The following LCTL variants were observed in gnomAD, a reference collection of about 807,000 sequenced individuals.
The protein encoded by LCTL is lactase like, also known as lactase-like protein.
A neutral mutation model predicts 75.8 loss-of-function variants in LCTL; 76 were observed. That is an observed-to-expected ratio of 1.00 (90% CI 0.83 to 1.21). The LOEUF (loss-of-function observed/expected upper bound fraction) is 1.21. Ranked by LOEUF, LCTL falls within the 50% of genes most tolerant of loss-of-function variation. The pLI is 0.00. For missense variants in LCTL, 670 were observed against 712.4 expected (o/e 0.94, Z 0.68); for synonymous variants, 271 against 268.8 (o/e 1.01, Z -0.08).
intron 8 of LCTL, 38 bp downstream of exon 9, chr15:66,557,684 G>A: frequency 6.3e-7 from 1 of 1,597,326 alleles, no homozygotes; most frequent in East Asian, 2.2e-5. Flanking sequence ...TCAATAACTT[G>A]CCCTAGTATC....
At chr15:66,563,653 C>T in intron 3 of LCTL, 28 bp from the exon 5 acceptor site, 1 of 1,511,346 alleles carries the variant, frequency 6.6e-7, no homozygotes, top group African/African-American at 1.4e-5. Flanking sequence ...GAAGATGCTA[C>T]CAGAAAGGAC....
At chr15:66,565,427 G>C (rs1896003840) in exon 1 of LCTL, 3 of 1,098,182 alleles carry the variant, frequency 2.7e-6, no homozygotes, top group Non-Finnish European at 4.0e-6. Context: ...CCTGCAGCCA[G>C]GCTGATGGCC....
rs79639762 is a variant in LCTL at position 66,560,556 on chromosome 15, C to T, written c.705+450G>A. The stretch of plus-strand genomic sequence containing the variant: ...AAGGTGGAGTCTGCCTGCTCATTAT[C>T]GCTGCTTCCAAACTAGTTTTCCTTC... On this transcript the variant is annotated intron_variant, in intron 6 of 12. Transcript: ENST00000341509. 5.1e-4 allele frequency among the ~76,000 whole-genome samples: 78 copies of T among 152,272 alleles called. No homozygotes were observed. The East Asian group carries it at 0.012, about 23-fold the overall frequency.
Position 66,557,803 on chromosome 15 carries a change from T to A in LCTL, c.841A>T (p.Arg281Ter). 6.2e-7 allele frequency: 1 copy of A among 1,614,166 alleles called. No individual in the cohort carries two copies. Among genetic ancestry groups the A allele is most frequent in the East Asian group, 2.2e-5 (1 of 44,882 alleles). ...CAGCCCAGACAGAACTGTAGGTATC[T>A]CTCGGCAGCCTCTAGGTCCTTGGGG... The change falls in exon 8 of 13, where the codon AGA becomes TGA. Residue 281 changes from arginine to a stop codon, truncating the protein, a stop_gained. Transcript: ENST00000341509. LOFTEE classifies it high-confidence loss of function.
intron 6 of LCTL, among the ~76,000 whole-genome samples, chr15:66,558,884 T>G (rs1567060887): frequency 6.6e-6 from 1 of 151,500 alleles, no homozygotes; most frequent in African/African-American, 2.4e-5. Flanking sequence ...TTAGTAGAGA[T>G]AGGGTTTCTC....
intron 12 of LCTL, chr15:66,549,327 C>T (rs1895505552): frequency 1.3e-5 from 2 of 152,078 alleles, no homozygotes; most frequent in Admixed American, 1.3e-4. Flanking sequence ...AGGGGGATTG[C>T]ATGTTGCTTT....
At chr15:66,552,004 A>G (rs955474214) in intron 10 of LCTL, 39 bp downstream of exon 11, 3 of 1,593,558 alleles carry the variant, frequency 1.9e-6, no homozygotes, top group African/African-American at 1.3e-5. Flanking sequence ...TGTCTCAGTT[A>G]AACGGGAAAA....
chr15:66,564,766 G>A, exon 2 of LCTL: 1 of 1,613,634 alleles, frequency 6.2e-7, no homozygotes, highest in Non-Finnish European at 8.5e-7. Context: ...CGTCCCAGAT[G>A]CTAGGCCCTT....
chr15:66,552,667 C>CAAA (rs752480803), intron 9 of LCTL, among the ~76,000 whole-genome samples: 3,509 of 52,906 alleles, frequency 0.066, 302 homozygotes, highest in African/African-American at 0.18. Flanking sequence ...GAGACTGTCT[C>CAAA]AAAAAAAAAA....
chr15:66,548,299 G>GTTT, exon 13 of LCTL: 1 of 350,464 alleles, frequency 2.9e-6, no homozygotes, highest in South Asian at 7.6e-5. Flanking sequence ...GATTACAAGT[G>GTTT]TTTTTTTTTT....
chr15:66,559,035 T>G (rs1443300124), intron 6 of LCTL, among the ~76,000 whole-genome samples: 7 of 148,396 alleles, frequency 4.7e-5, no homozygotes, highest in Non-Finnish European at 9.0e-5. Context: ...TTGTTTTTTG[T>G]TTTTTTTTTC....
intron 6 of LCTL, 64 bp downstream of exon 7, chr15:66,560,942 A>G (rs1040694715): frequency 2.0e-6 from 3 of 1,475,000 alleles, no homozygotes; most frequent in Non-Finnish European, 2.8e-6. Flanking sequence ...AGCTCAGGCT[A>G]GAGCCCCTGG....
rs761489456 is a variant in LCTL, at chr15:66,563,609, C to G, written c.387G>C (p.Lys129Asn). ...GATCACTGTAGAATTCGATTCCCTT[C>G]TTGTTCACCTGCTCGGCTGCAGGTG... Residue 129 changes from lysine (K) to asparagine (N), a missense_variant, in exon 4 of 13, where the codon AAG becomes AAC. Lys to Asn is a moderately conservative substitution (Grantham distance 94, BLOSUM62 0). Transcript: ENST00000341509. 3.1e-6 allele frequency: 5 copies of G among 1,609,302 alleles called. No individual in the cohort carries two copies. In the South Asian group the frequency reaches 5.5e-5, roughly 18 times the overall value.
chr15:66,553,890 TCA>T (rs1304008374), intron 8 of LCTL, among the ~76,000 whole-genome samples: 1 of 152,012 alleles, frequency 6.6e-6, no homozygotes, highest in African/African-American at 2.4e-5. Flanking sequence ...GTGCAATGGC[TCA>T]CGCCTGTAAT....
exon 13 of LCTL, chr15:66,548,336 A>G (rs1595928494): frequency 2.3e-6 from 1 of 427,590 alleles, no homozygotes; most frequent in Non-Finnish European, 4.2e-6. Flanking sequence ...TTATTTTCTA[A>G]TTCTTAAATC....
At chr15:66,564,325 G>T in intron 2 of LCTL, 1 of 479,844 alleles carries the variant, frequency 2.1e-6, no homozygotes, top group Non-Finnish European at 3.7e-6. Flanking sequence ...TCCCTCCACA[G>T]GGTGCAACTG....
At chr15:66,561,128 G>C (rs200830852) in intron 5 of LCTL, 27 bp from the exon 7 acceptor site, 14 of 1,614,032 alleles carry the variant, frequency 8.7e-6, no homozygotes, top group Non-Finnish European at 1.2e-5. Flanking sequence ...CAGGACCACA[G>C]GATCCATAAG....
chr15:66,564,941 A>C (rs1023669512), intron 1 of LCTL, 102 bp from the exon 3 acceptor site: 1 of 1,115,884 alleles, frequency 9.0e-7, no homozygotes, highest in Non-Finnish European at 1.3e-6. Context: ...GCCCCTCCCT[A>C]CCACGCTGCC....
At chr15:66,555,937 C>G (rs1459792938) in intron 8 of LCTL, among the ~76,000 whole-genome samples, 1 of 152,104 alleles carries the variant, frequency 6.6e-6, no homozygotes, top group Non-Finnish European at 1.5e-5. Context: ...TAGGGAAACA[C>G]AAATCAAAAC....
Sources: gnomAD v4.1 joint callset for allele counts (sites outside exome capture counted in the v4.1 genomes callset) on GRCh38, gnomAD v4.1.1 for gene constraint, MANE v1.5 for transcripts, NCBI Gene and HGNC (gene_info 2026-07-23, HGNC 2026-07-21) for gene names.